The following MARK4 variants were observed in gnomAD, a reference collection of about 807,000 sequenced individuals.
The protein encoded by MARK4 is microtubule affinity regulating kinase 4.
A neutral mutation model predicts 81.5 loss-of-function variants in MARK4; 19 were observed. The ratio of observed to expected loss-of-function variants is 0.23; its 90% CI spans 0.16 to 0.34. MARK4 has a LOEUF of 0.34. Ranked by LOEUF, MARK4 falls within the 10% of genes least tolerant of loss-of-function variation. The probability of loss-of-function intolerance (pLI) is 1.00; values close to 1 mark genes in which losing one functional copy is unlikely to be tolerated. For synonymous variants in MARK4, 436 were observed against 439.0 expected, an observed-to-expected ratio of 0.99 and a Z score of 0.08; for missense variants, 772 against 1,058.8, an observed-to-expected ratio of 0.73 and a Z score of 3.76.
At chr19:45,295,346 G>T (rs906195840) in intron 14 of MARK4, among the ~76,000 whole-genome samples, 1 of 151,356 alleles carries the variant, frequency 6.6e-6, no homozygotes, top group East Asian at 1.9e-4. Context: ...GCAACAGAGC[G>T]AGACTCCATC....
At chr19:45,277,847 GT>G in intron 8 of MARK4, 75 bp from the exon 9 acceptor site, 1 of 1,332,580 alleles carries the variant, frequency 7.5e-7, no homozygotes, top group Non-Finnish European at 1.0e-6. Flanking sequence ...GTGTGTGTGT[GT>G]GTGTGTGTGT....
intron 1 of MARK4, among the ~76,000 whole-genome samples, chr19:45,252,085 C>G (rs1451294648): frequency 6.6e-6 from 1 of 152,046 alleles, no homozygotes; most frequent in African/African-American, 2.4e-5. Flanking sequence ...CTGGCTCCGG[C>G]CTTCCCTGTC....
intron 8 of MARK4, 53 bp from the exon 9 acceptor site, chr19:45,277,870 T>TGA: frequency 1.6e-6 from 2 of 1,267,338 alleles, no homozygotes; most frequent in Non-Finnish European, 1.1e-6. Context: ...TGTGTGTGTG[T>TGA]AATAGGTGGG....
intron 1 of MARK4, among the ~76,000 whole-genome samples, chr19:45,254,774 A>AT (rs1196690482): frequency 6.6e-6 from 1 of 152,222 alleles, no homozygotes; most frequent in Non-Finnish European, 1.5e-5. Context: ...TGACCTTCAC[A>AT]TGGCACCTTC....
Position 45,287,500 on chromosome 19 carries a change from G to T in MARK4, c.1330G>T (p.Glu444Ter). ...CAAACGCAGCCCGACGAGCACGGGG[G>T]AGGCGGAGCTGAAGGAGGAGCGGCT... is the stretch of plus-strand genomic sequence containing the variant. ...HPKRSPTSTG[E>*]AELKEERLPG... Residue 444 changes from glutamate to a stop codon, truncating the protein, a stop_gained, in exon 13 of 17, where the codon GAG becomes TAG. Coordinates refer to ENST00000262891, the MANE Select transcript of MARK4 (RefSeq NM_001199867.2). LOFTEE classifies it high-confidence loss of function. The T allele has an allele frequency of 1.3e-6, 2 of 1,533,092 alleles. No individual in the cohort carries two copies. Among genetic ancestry groups the T allele is most frequent in the Non-Finnish European group, 1.8e-6 (2 of 1,136,296 alleles). The allele number at this position is 1,533,092 out of a possible 1,614,324, so 95.0% of individuals were successfully genotyped here.
intron 1 of MARK4, among the ~76,000 whole-genome samples, chr19:45,258,439 G>C (rs934963640): frequency 6.6e-6 from 1 of 152,112 alleles, no homozygotes; most frequent in Non-Finnish European, 1.5e-5. Flanking sequence ...GCTGGATGCG[G>C]TGGCTCACAT....
At chr19:45,298,246 C>G (rs1274007488) in intron 15 of MARK4, 1 of 1,611,576 alleles carries the variant, frequency 6.2e-7, no homozygotes, top group Non-Finnish European at 8.5e-7. Context: ...ATGCCCTGTT[C>G]TCGCTGGCTC....
intron 4 of MARK4, among the ~76,000 whole-genome samples, chr19:45,263,807 C>G (rs1400846294): frequency 6.6e-6 from 1 of 151,868 alleles, no homozygotes; most frequent in African/African-American, 2.4e-5. Flanking sequence ...GCTGTGTGAC[C>G]TTGGGCAAGT....
intron 16 of MARK4, 107 bp downstream of exon 16, chr19:45,299,962 G>T: frequency 1.9e-6 from 2 of 1,040,816 alleles, no homozygotes; most frequent in Non-Finnish European, 2.7e-6. Context: ...ATCCTGCAAG[G>T]CCAACTTCCT....
chr19:45,256,921 T>C (rs1970314275), intron 1 of MARK4, among the ~76,000 whole-genome samples: 1 of 152,146 alleles, frequency 6.6e-6, no homozygotes, highest in Admixed American at 6.6e-5. Flanking sequence ...ATTATTATAA[T>C]AGCTGTTATG....
Position 45,302,605 on chromosome 19 carries a change from G to A in MARK4, c.2154G>A (p.Gln718=). ...PLSHFEVEVC[Q]LPRPGLRGVL... is the part of the protein sequence containing the mutation. The stretch of plus-strand genomic sequence containing the variant: ...CCCACTTCGAAGTGGAGGTCTGCCA[G>A]CTGCCCCGGCCAGGCTTGCGGGGAG... Residue 718 remains glutamine, a synonymous_variant, in exon 17 of 17, where the codon CAG becomes CAA. Transcript: ENST00000262891. The surrounding 1 kb of genome is among the most constrained non-coding windows in gnomAD (Gnocchi z 4.9). 6.4e-7 allele frequency: 1 copy of A among 1,562,428 alleles called. No individual in the cohort carries two copies. Among genetic ancestry groups the A allele is most frequent in the Non-Finnish European group, 8.6e-7 (1 of 1,161,068 alleles).
intron 2 of MARK4, among the ~76,000 whole-genome samples, chr19:45,259,609 G>A (rs1017974190): frequency 6.6e-6 from 1 of 151,568 alleles, no homozygotes; most frequent in East Asian, 1.9e-4. Context: ...TAAAAAATAA[G>A]TAAAATTTTT....
At chr19:45,262,606 C>T (rs1970394538) in intron 2 of MARK4, among the ~76,000 whole-genome samples, 1 of 152,192 alleles carries the variant, frequency 6.6e-6, no homozygotes, top group Non-Finnish European at 1.5e-5. Flanking sequence ...ACTCAGGCAG[C>T]TCTGGAGCAG....
chr19:45,260,764 C>T (rs1419559009), intron 2 of MARK4, among the ~76,000 whole-genome samples: 2 of 151,978 alleles, frequency 1.3e-5, no homozygotes, highest in Admixed American at 1.3e-4. Flanking sequence ...CCTGAGCTGC[C>T]TCTCTGTTTT....
At position 45,271,833 on chromosome 19, in the gene MARK4, G is replaced by T. The variant is rs1410368621; in HGVS notation, c.786+125G>T. 1.1e-5 allele frequency: 10 copies of T among 913,586 alleles called. No individual in the cohort carries two copies. The highest frequency in any genetic ancestry group is 1.7e-5 in the Non-Finnish European group (10 of 599,696). 56.6% of individuals were successfully genotyped at this position (913,586 alleles called of 1,614,324 possible). A position where few individuals can be genotyped will look rare whatever the true frequency, so the allele number is the denominator to read the frequency against. ...GGCCTGAGTTCTCATGGGAAGATGG[G>T]GGATGGGCAGGATTCAAGTCCCCTC... On this transcript the variant is annotated intron_variant, in intron 8 of 16. Transcript: ENST00000262891. This position sits in a 1 kb window ranked among gnomAD's most constrained non-coding sequence, Gnocchi z 4.1.
Position 45,263,010 on chromosome 19 carries a change from C to G in MARK4, c.253-103C>G, listed in dbSNP as rs182305177. On this transcript the variant is annotated intron_variant, in intron 2 of 16. Coordinates refer to ENST00000262891, the MANE Select transcript of MARK4 (RefSeq NM_001199867.2). The stretch of plus-strand genomic sequence containing the variant: ...GAACTCCTGGCCTCAAGTGATCCTC[C>G]CGCCTTGGTCTTCCCAAAATGCTGG... 4.3e-4 allele frequency: 592 copies of G among 1,363,812 alleles called. 3 individuals carry two copies. In the East Asian group the frequency reaches 0.015, roughly 33 times the overall value. 84.5% of individuals were successfully genotyped at this position (1,363,812 alleles called of 1,614,324 possible).
At chr19:45,293,672 G>A (rs1970847373) in intron 13 of MARK4, among the ~76,000 whole-genome samples, 1 of 152,190 alleles carries the variant, frequency 6.6e-6, no homozygotes, top group Admixed American at 6.5e-5. Flanking sequence ...TAGAAAAAGA[G>A]GGCTCTCTTC....
At chr19:45,264,490 CA>C (rs368822280) in intron 4 of MARK4, among the ~76,000 whole-genome samples, 193 bp from the exon 5 acceptor site, 21 of 118,004 alleles carry the variant, frequency 1.8e-4, no homozygotes, top group South Asian at 3.0e-4. Context: ...AACTCCATCT[CA>C]AAAAAAAAAA....
chr19:45,280,798 G>T, intron 12 of MARK4, 64 bp downstream of exon 12: 1 of 1,586,630 alleles, frequency 6.3e-7, no homozygotes. Context: ...TTACAGTTAC[G>T]TCAGGGTTCT....
Sources: allele counts gnomAD v4.1 joint callset (sites outside exome capture counted in the v4.1 genomes callset), GRCh38; gene constraint gnomAD v4.1.1; non-coding constraint Gnocchi (gnomAD v3.1); transcripts MANE v1.5; gene names NCBI Gene and HGNC (gene_info 2026-07-23, HGNC 2026-07-21).